The following DHX9 variants were observed in gnomAD, a reference collection of about 807,000 sequenced individuals.
DHX9 encodes ATP-dependent RNA helicase A.
DHX9 carries 27 observed loss-of-function variants against 148.7 expected under a neutral mutation model. That is an observed-to-expected ratio of 0.18 (90% CI 0.13 to 0.25). The LOEUF is 0.25. DHX9 is among the 10% of genes least tolerant of loss of function. The probability of loss-of-function intolerance (pLI) is 1.00; values close to 1 mark genes in which losing one functional copy is unlikely to be tolerated. For missense variants in DHX9, 796 were observed against 1,559.6 expected (o/e 0.51, Z 8.25); for synonymous variants, 529 against 516.6 (o/e 1.02, Z -0.33).
At chr1:182,856,027 C>T (rs1182198262) in intron 6 of DHX9, among the ~76,000 whole-genome samples, 1 of 152,218 alleles carries the variant, frequency 6.6e-6, no homozygotes. Context: ...GATGTGAGAA[C>T]TCTGCCTCAG....
chr1:182,881,153 A>C, intron 22 of DHX9, 111 bp from the exon 23 acceptor site: 1 of 1,104,862 alleles, frequency 9.1e-7, no homozygotes, highest in Non-Finnish European at 1.3e-6. Context: ...ATTGCAAATA[A>C]AAGTAGAATC....
chr1:182,871,909 T>G (rs1001716698), intron 14 of DHX9, among the ~76,000 whole-genome samples: 20 of 152,028 alleles, frequency 1.3e-4, no homozygotes, highest in Non-Finnish European at 2.6e-4. Context: ...TGGGTTCAAG[T>G]GATTATCCTG....
At position 182,878,278 on chromosome 1, in the gene DHX9, T is replaced by C. The variant is rs1648914557; in HGVS notation, c.2351+105T>C. 5 of 1,294,922 alleles carry C rather than the reference T, an allele frequency of 3.9e-6. No individual in the cohort carries two copies. The Admixed American group carries it at 9.8e-5, about 25-fold the overall frequency. 80.2% of individuals were successfully genotyped at this position (1,294,922 alleles called of 1,614,324 possible). Reference sequence around the variant, plus strand: ...TGCCAATATAAGCTGATCTAAGTCTTGCCAGCCATGTTGGAATCAGGTGTA... The same window carrying C: ...TGCCAATATAAGCTGATCTAAGTCTCGCCAGCCATGTTGGAATCAGGTGTA... On this transcript the variant is annotated intron_variant, in intron 20 of 27. Transcript: ENST00000367549.
chr1:182,842,709 T>C, intron 2 of DHX9, 32 bp downstream of exon 2: 2 of 1,533,334 alleles, frequency 1.3e-6, no homozygotes, highest in Non-Finnish European at 8.9e-7. Flanking sequence ...ATTTATGTGA[T>C]TTATGAGGTT....
intron 14 of DHX9, among the ~76,000 whole-genome samples, chr1:182,871,370 CTA>C (rs925872377): frequency 4.6e-5 from 7 of 152,152 alleles, no homozygotes; most frequent in African/African-American, 1.7e-4. Flanking sequence ...AAAAGTGACA[CTA>C]AAAATGTTGG....
chr1:182,858,318 G>GT (rs1668292497), intron 8 of DHX9, 78 bp downstream of exon 8: 2 of 1,509,288 alleles, frequency 1.3e-6, no homozygotes, highest in Non-Finnish European at 9.0e-7. Flanking sequence ...GGCTGAAGAA[G>GT]TTTAATTTTA....
rs752081697 is a variant in DHX9 at position 182,858,255 on chromosome 1, T to A, written c.810+15T>A. On this transcript the variant is annotated intron_variant, in intron 8 of 27. Coordinates refer to ENST00000367549, the MANE Select transcript of DHX9 (RefSeq NM_001357.5). ...AAGGAGAGACAGTGAGTCTTTAGAT[T>A]TAATAGACTTGTGAGATAGTGTGAG... The A allele has an allele frequency of 4.3e-6, 7 of 1,610,036 alleles. No individual in the cohort carries two copies. The Admixed American group carries it at 1.2e-4, about 27-fold the overall frequency.
rs1571301082 is a variant in DHX9 at position 182,852,150 on chromosome 1, G to A, written c.253-83G>A. The A allele has an allele frequency of 9.2e-6, 7 of 763,470 alleles. No homozygotes were observed. The East Asian group carries it at 1.0e-4, about 11-fold the overall frequency. The allele number at this position is 763,470 out of a possible 1,614,324, so 47.3% of individuals were successfully genotyped here. A position where few individuals can be genotyped will look rare whatever the true frequency, so the allele number is the denominator to read the frequency against. ...TACAAAGAAAGGAGGTATGACACATGGGTCCTTTTAAGTATTAAAAGAATT... is the reference window on the plus strand; with the variant it reads ...TACAAAGAAAGGAGGTATGACACATAGGTCCTTTTAAGTATTAAAAGAATT... On this transcript the variant is annotated intron_variant, in intron 3 of 27. Coordinates refer to ENST00000367549, the MANE Select transcript of DHX9 (RefSeq NM_001357.5).
At chr1:182,865,596 T>G (rs1648259639) in intron 12 of DHX9, among the ~76,000 whole-genome samples, 1 of 152,234 alleles carries the variant, frequency 6.6e-6, no homozygotes. Flanking sequence ...ACAAAGTAGC[T>G]TTCAATCTTT....
At chr1:182,860,417 C>A in intron 12 of DHX9, 1 of 289,736 alleles carries the variant, frequency 3.5e-6, no homozygotes. Flanking sequence ...TAAAGAGTCT[C>A]TGGGCCTAGA....
intron 12 of DHX9, among the ~76,000 whole-genome samples, chr1:182,861,820 A>T (rs886834569): frequency 9.9e-5 from 15 of 152,214 alleles, no homozygotes; most frequent in African/African-American, 3.4e-4. Context: ...CGTTTGTCCC[A>T]AAATCAGTCT....
chr1:182,866,033 T>C (rs1345576635), intron 12 of DHX9, among the ~76,000 whole-genome samples: 1 of 152,210 alleles, frequency 6.6e-6, no homozygotes, highest in Non-Finnish European at 1.5e-5. Context: ...AATTAATAAG[T>C]GAGCAGAAAG....
chr1:182,852,186 C>T (rs369726952), intron 3 of DHX9, 47 bp from the exon 4 acceptor site: 16 of 1,305,790 alleles, frequency 1.2e-5, no homozygotes, highest in African/African-American at 5.9e-5. Flanking sequence ...TACTAGTCCC[C>T]GTGAAGGCAA....
At chr1:182,886,407 G>C (rs1649334203) in intron 27 of DHX9, among the ~76,000 whole-genome samples, 1 of 151,870 alleles carries the variant, frequency 6.6e-6, no homozygotes, top group Non-Finnish European at 1.5e-5. Context: ...TGTTGCCCAG[G>C]CTAGTCTCTA....
At chr1:182,869,723 C>T (rs1450369231) in intron 14 of DHX9, among the ~76,000 whole-genome samples, 5 of 152,178 alleles carry the variant, frequency 3.3e-5, no homozygotes, top group South Asian at 2.1e-4. Flanking sequence ...GATTCTCCTA[C>T]GAGTAGCTGG....
rs1179496072 is a variant in DHX9, at chr1:182,881,653, A to G, written c.2914+6A>G. 2 of 1,588,458 alleles carry G rather than the reference A, an allele frequency of 1.3e-6. No homozygotes were observed. The highest frequency in any genetic ancestry group is 1.7e-6 in the Non-Finnish European group (2 of 1,172,614). On this transcript the variant is annotated splice_donor_region_variant and intron_variant, in intron 24 of 27. Transcript: ENST00000367549. ...TAATTCTGGGTTTCCAGAAGGTAAG[A>G]CTTCTTCCATTCTTAAGATATCTTT...
Position 182,881,569 on chromosome 1 carries a change from A to C in DHX9, c.2836A>C (p.Asn946His). Residue 946 changes from asparagine to histidine, a missense_variant, in exon 24 of 28, where the codon AAT (asparagine) becomes CAT (histidine). This residue lies in a region of DHX9 where 122 missense variants were observed against 289.3 expected (regional missense o/e 0.42). Coordinates refer to ENST00000367549, the MANE Select transcript of DHX9 (RefSeq NM_001357.5). ...EIRFCEHKRL[N>H]MATLRMTWEA... is the part of the protein sequence containing the mutation. ...ACGTTTTTGTGAGCACAAAAGACTT[A>C]ATATGGCTACACTAAGAATGACTTG... The C allele has an allele frequency of 6.2e-7, 1 of 1,613,472 alleles. No homozygotes were observed. Among genetic ancestry groups the C allele is most frequent in the South Asian group, 1.1e-5 (1 of 90,810 alleles).
chr1:182,870,296 A>G (rs954180273), intron 14 of DHX9, among the ~76,000 whole-genome samples: 5 of 152,246 alleles, frequency 3.3e-5, no homozygotes, highest in African/African-American at 7.2e-5. Context: ...GGTTTTCCAT[A>G]TAACTTGATG....
intron 18 of DHX9, 60 bp from the exon 19 acceptor site, chr1:182,876,770 C>T (rs1482863325): frequency 1.8e-5 from 23 of 1,300,198 alleles, no homozygotes; most frequent in Non-Finnish European, 2.5e-5. Context: ...ATAAGCAAAT[C>T]AGTCCTTTTA....
Sources: allele counts gnomAD v4.1 joint callset (sites outside exome capture counted in the v4.1 genomes callset), GRCh38; gene constraint gnomAD v4.1.1; regional missense constraint gnomAD v4.1.1; transcripts MANE v1.5; gene names NCBI Gene and HGNC (gene_info 2026-07-23, HGNC 2026-07-21).